The following CCSER1 variants were observed in gnomAD, a reference collection of about 807,000 sequenced individuals.
CCSER1 encodes coiled-coil serine rich protein 1.
In CCSER1, 41 loss-of-function variants were observed where a neutral mutation model predicts 82.0. The ratio of observed to expected loss-of-function variants is 0.50; its 90% confidence interval spans 0.39 to 0.65. The LOEUF (loss-of-function observed/expected upper bound fraction) is 0.65. CCSER1 is among the 30% of genes least tolerant of loss of function. The pLI is 0.00. For synonymous variants in CCSER1, 414 were observed against 383.9 expected (o/e 1.08, Z -0.92); for missense variants, 1,119 against 1,064.2 (o/e 1.05, Z -0.72).
At chr4:91,364,573 T>C (rs1749477350) in intron 10 of CCSER1, among the ~76,000 whole-genome samples, 1 of 152,098 alleles carries the variant, frequency 6.6e-6, no homozygotes. Flanking sequence ...AACTGTATGA[T>C]ATTATATGAA....
chr4:91,295,761 A>G (rs1055000011), intron 10 of CCSER1, among the ~76,000 whole-genome samples: 1 of 151,924 alleles, frequency 6.6e-6, no homozygotes, highest in Non-Finnish European at 1.5e-5. Context: ...ATAGCACATC[A>G]CAGTTTTCCT....
chr4:90,246,801 G>A (rs1411334881), intron 1 of CCSER1, among the ~76,000 whole-genome samples: 1 of 152,034 alleles, frequency 6.6e-6, no homozygotes, highest in Non-Finnish European at 1.5e-5. Context: ...TGTGAATGTG[G>A]TCTATTTCTT....
intron 3 of CCSER1, among the ~76,000 whole-genome samples, chr4:90,321,529 G>A (rs1737160423): frequency 6.6e-6 from 1 of 152,172 alleles, no homozygotes; most frequent in African/African-American, 2.4e-5. Flanking sequence ...AAACATGGGA[G>A]TGCAGATATC....
chr4:90,669,662 C>T (rs1246254699), intron 6 of CCSER1, among the ~76,000 whole-genome samples: 4 of 151,848 alleles, frequency 2.6e-5, no homozygotes, highest in Admixed American at 1.3e-4. Flanking sequence ...TTTTAGGAGT[C>T]GTTGACTAAA....
intron 5 of CCSER1, among the ~76,000 whole-genome samples, chr4:90,618,824 C>A (rs1721776977): frequency 6.6e-6 from 1 of 151,574 alleles, no homozygotes; most frequent in African/African-American, 2.4e-5. Flanking sequence ...CACTTTAGAC[C>A]TGGAGTTTGT....
intron 1 of CCSER1, among the ~76,000 whole-genome samples, chr4:90,219,433 C>T (rs17812368): frequency 2.6e-5 from 4 of 151,992 alleles, no homozygotes; most frequent in Middle Eastern, 3.4e-3. Flanking sequence ...TTATCTTGAA[C>T]GGTGTCAGGG....
intron 10 of CCSER1, among the ~76,000 whole-genome samples, chr4:91,225,358 ATATTATATATGTAATATATATGATATAAT>A (rs1560528543): frequency 3.0e-5 from 4 of 134,508 alleles, no homozygotes; most frequent in East Asian, 2.1e-4. Flanking sequence ...ATATGTATAT[ATATTATATATGTAATATATATGATATAAT>A]ATATATATTC....
At chr4:90,834,494 A>C (rs571019062) in intron 8 of CCSER1, among the ~76,000 whole-genome samples, 22 of 152,324 alleles carry the variant, frequency 1.4e-4, no homozygotes, top group South Asian at 1.2e-3. Context: ...TAATAATTCT[A>C]TTCTAAGAGT....
chr4:90,400,295 C>T (rs1021383796), intron 4 of CCSER1, among the ~76,000 whole-genome samples, 166 bp downstream of exon 4: 8 of 151,570 alleles, frequency 5.3e-5, no homozygotes, highest in Middle Eastern at 3.2e-3. Flanking sequence ...AATTTGGGTG[C>T]GTTAAATGAT....
chr4:90,332,196 T>G (rs1739419435), intron 3 of CCSER1, among the ~76,000 whole-genome samples: 1 of 152,064 alleles, frequency 6.6e-6, no homozygotes, highest in African/African-American at 2.4e-5. Context: ...ATCACTTTAG[T>G]TATGCCACGT....
intron 9 of CCSER1, among the ~76,000 whole-genome samples, chr4:91,033,090 CAAATT>C (rs1467723751): frequency 6.6e-6 from 1 of 151,728 alleles, no homozygotes; most frequent in Non-Finnish European, 1.5e-5. Flanking sequence ...GTAAATGAGA[CAAATT>C]AAGGTAATAC....
intron 10 of CCSER1, among the ~76,000 whole-genome samples, chr4:91,375,455 A>G (rs1309593981): frequency 1.3e-5 from 2 of 152,106 alleles, no homozygotes; most frequent in African/African-American, 2.4e-5. Context: ...AAACAGCATT[A>G]CACACTACAG....
At chr4:90,587,348 A>T (rs1459515420) in intron 5 of CCSER1, among the ~76,000 whole-genome samples, 1 of 152,184 alleles carries the variant, frequency 6.6e-6, no homozygotes, top group Non-Finnish European at 1.5e-5. Flanking sequence ...TGCAGTGATC[A>T]CGCCTGTAAT....
At chr4:91,056,072 C>T (rs1048251967) in intron 9 of CCSER1, among the ~76,000 whole-genome samples, 4 of 151,842 alleles carry the variant, frequency 2.6e-5, no homozygotes, top group African/African-American at 9.7e-5. Context: ...ATTGATATTT[C>T]CATTTTGTTC....
chr4:91,455,635 G>T (rs945004800), intron 10 of CCSER1, among the ~76,000 whole-genome samples: 6 of 152,052 alleles, frequency 3.9e-5, no homozygotes, highest in African/African-American at 1.4e-4. Context: ...TAAGGAATTT[G>T]TTAAAGCAGG....
At chr4:91,044,916 A>C (rs1027904096) in intron 9 of CCSER1, among the ~76,000 whole-genome samples, 1 of 152,244 alleles carries the variant, frequency 6.6e-6, no homozygotes, top group African/African-American at 2.4e-5. Flanking sequence ...TTTAATTTAT[A>C]AACTTGCCTA....
chr4:91,569,556 GC>G (rs1763065745), intron 10 of CCSER1, among the ~76,000 whole-genome samples: 2 of 152,122 alleles, frequency 1.3e-5, no homozygotes, highest in Non-Finnish European at 2.9e-5. Context: ...ATGGCAGAAA[GC>G]ACCTCTTCCC....
chr4:90,922,519 G>A (rs1286738819), intron 8 of CCSER1, among the ~76,000 whole-genome samples: 2 of 152,012 alleles, frequency 1.3e-5, no homozygotes, highest in South Asian at 4.1e-4. Context: ...TAAAGCAAGT[G>A]GAAAGCACAG....
chr4:90,646,496 C>T (rs536974153), intron 6 of CCSER1, among the ~76,000 whole-genome samples: 3 of 152,242 alleles, frequency 2.0e-5, no homozygotes, highest in East Asian at 3.9e-4. Flanking sequence ...TGCTTCCTCT[C>T]TGTCAGGTTA....
Sources: allele counts gnomAD v4.1 joint callset (sites outside exome capture counted in the v4.1 genomes callset), GRCh38; gene constraint gnomAD v4.1.1; transcripts MANE v1.5; gene names NCBI Gene and HGNC (gene_info 2026-07-23, HGNC 2026-07-21).